PLEK: variants seen among roughly 807,000 people sequenced by gnomAD.
The protein encoded by PLEK is pleckstrin, also known as platelet 47 kDa protein.
A neutral mutation model predicts 43.9 loss-of-function variants in PLEK; 25 were observed. That is an observed-to-expected ratio of 0.57 (90% CI 0.41 to 0.79). PLEK has a LOEUF of 0.79. Among genes scored for constraint, PLEK ranks in the 30% least tolerant of loss-of-function variants. PLEK has a pLI of 0.00. For missense variants in PLEK, 396 were observed against 413.3 expected (o/e 0.96, Z 0.36); for synonymous variants, 152 against 144.4 (o/e 1.05, Z -0.38).
intron 1 of PLEK, among the ~76,000 whole-genome samples, chr2:68,376,422 G>A (rs564200697): frequency 6.7e-4 from 102 of 152,120 alleles, no homozygotes; most frequent in African/African-American, 2.2e-3. Flanking sequence ...TCCTTCCTGC[G>A]CAGCCTTGTG....
At chr2:68,371,983 C>T (rs1385731213) in intron 1 of PLEK, among the ~76,000 whole-genome samples, 2 of 152,176 alleles carry the variant, frequency 1.3e-5, no homozygotes, top group African/African-American at 2.4e-5. Context: ...TTGGACCCAG[C>T]TTTTATTCGT....
intron 1 of PLEK, among the ~76,000 whole-genome samples, chr2:68,373,721 G>A (rs1673452662): frequency 6.6e-6 from 1 of 152,122 alleles, no homozygotes. Flanking sequence ...GAGTGATGAT[G>A]GCAGTTAATA....
intron 6 of PLEK, among the ~76,000 whole-genome samples, chr2:68,391,949 C>T (rs559554727): frequency 6.6e-6 from 1 of 152,192 alleles, no homozygotes; most frequent in Non-Finnish European, 1.5e-5. Flanking sequence ...TGGTAACTCA[C>T]AGCAAGTACA....
intron 1 of PLEK, 70 bp from the exon 2 acceptor site, chr2:68,380,258 T>C: frequency 7.8e-7 from 1 of 1,289,912 alleles, no homozygotes; most frequent in Admixed American, 2.2e-5. Context: ...TATAGAATCT[T>C]TCCTGTTAGG....
chr2:68,377,196 A>G (rs1673522782), intron 1 of PLEK, among the ~76,000 whole-genome samples: 1 of 152,282 alleles, frequency 6.6e-6, no homozygotes, highest in East Asian at 1.9e-4. Context: ...TTGCTTCCAA[A>G]TCTTGTCTAT....
At chr2:68,386,211 C>T (rs1673738621) in intron 4 of PLEK, among the ~76,000 whole-genome samples, 1 of 152,078 alleles carries the variant, frequency 6.6e-6, no homozygotes, top group African/African-American at 2.4e-5. Flanking sequence ...AACTATCCTA[C>T]TGCCTCAGCT....
At position 68,380,315 on chromosome 2, in the gene PLEK, G is replaced by T. The variant is rs1673587186; in HGVS notation, c.43-13G>T. 11 of 1,602,172 alleles carry T rather than the reference G, an allele frequency of 6.9e-6. No individual in the cohort carries two copies. The highest frequency in any genetic ancestry group is 9.4e-6 in the Non-Finnish European group (11 of 1,171,784). On this transcript the variant is annotated splice_polypyrimidine_tract_variant and intron_variant, in intron 1 of 8. Coordinates refer to ENST00000234313, the MANE Select transcript of PLEK (RefSeq NM_002664.3). ...AGCCCTGTCCATCTCAGCTCTTTTG[G>T]TTGTCATTACAGGGGAGCGTGTTCA...
intron 1 of PLEK, among the ~76,000 whole-genome samples, chr2:68,372,177 A>ATTTTTTTTTTTTT (rs57326035): frequency 6.7e-6 from 1 of 148,362 alleles, no homozygotes. Flanking sequence ...AGAGAAGTTC[A>ATTTTTTTTTTTTT]TTTTTTTTTT....
At chr2:68,372,370 T>C (rs937315299) in intron 1 of PLEK, among the ~76,000 whole-genome samples, 14 of 152,088 alleles carry the variant, frequency 9.2e-5, no homozygotes, top group African/African-American at 3.4e-4. Context: ...GAGACTGGCT[T>C]TCATCATGTT....
chr2:68,389,718 G>A (rs1410446331), intron 6 of PLEK, among the ~76,000 whole-genome samples: 2 of 152,226 alleles, frequency 1.3e-5, no homozygotes, highest in South Asian at 4.1e-4. Context: ...ATTTTTTTAT[G>A]ACAGGGTGAC....
In PLEK at chr2:68,396,169, C is replaced by T. The variant is rs573708004; in HGVS notation, c.*353C>T. On this transcript the variant is annotated 3_prime_UTR_variant, in exon 9 of 9. Coordinates refer to ENST00000234313, the MANE Select transcript of PLEK (RefSeq NM_002664.3). ...GCTTAAAAAAAAAAAAAATCTGCCC[C>T]ATGATTCTAACACTCGCAGTAGTGA... 279 of 197,190 alleles carry T rather than the reference C, an allele frequency of 1.4e-3. 1 individual carries two copies. The highest frequency in any genetic ancestry group is 2.1e-3 in the Non-Finnish European group (202 of 94,760). 12.2% of individuals were successfully genotyped at this position (197,190 alleles called of 1,614,324 possible).
At chr2:68,393,290 C>G in intron 7 of PLEK, 45 bp downstream of exon 7, 4 of 1,230,094 alleles carry the variant, frequency 3.3e-6, no homozygotes, top group Non-Finnish European at 3.6e-6. Flanking sequence ...AATAAATCCA[C>G]TGCATTTATA....
chr2:68,391,967 A>G (rs1311991153), intron 6 of PLEK, among the ~76,000 whole-genome samples: 1 of 152,320 alleles, frequency 6.6e-6, no homozygotes, highest in Middle Eastern at 3.4e-3. Flanking sequence ...ACAAACAGAT[A>G]TGAAGCAGCT....
intron 1 of PLEK, among the ~76,000 whole-genome samples, chr2:68,370,175 T>A (rs1673371485): frequency 1.3e-5 from 2 of 152,256 alleles, no homozygotes; most frequent in African/African-American, 4.8e-5. Flanking sequence ...TTGATCACAG[T>A]GTAATTTTCC....
chr2:68,381,583 C>A (rs921564902), intron 3 of PLEK, among the ~76,000 whole-genome samples: 2 of 152,170 alleles, frequency 1.3e-5, no homozygotes, highest in Non-Finnish European at 2.9e-5. Flanking sequence ...TTCCCTGAAG[C>A]AGGAGCCCTG....
At chr2:68,381,017 G>GTATTGACCTGGCAGA in intron 3 of PLEK, 113 bp downstream of exon 3, 1 of 848,692 alleles carries the variant, frequency 1.2e-6, no homozygotes, top group South Asian at 1.6e-5. Context: ...CACTCTGCCA[G>GTATTGACCTGGCAGA]GTCAATACTG....
At chr2:68,380,631 T>C in intron 2 of PLEK, 92 bp from the exon 3 acceptor site, 1 of 1,456,998 alleles carries the variant, frequency 6.9e-7, no homozygotes, top group Non-Finnish European at 9.4e-7. Flanking sequence ...TTCTCTTGGC[T>C]AGAAGAGGTT....
chr2:68,380,290 A>G (rs778730293), intron 1 of PLEK, 38 bp from the exon 2 acceptor site: 8 of 1,547,116 alleles, frequency 5.2e-6, no homozygotes, highest in Non-Finnish European at 7.0e-6. Context: ...GTTTGCAAAG[A>G]GCCCTGTCCA....
intron 5 of PLEK, among the ~76,000 whole-genome samples, chr2:68,387,585 T>G (rs985481541): frequency 6.6e-6 from 1 of 152,216 alleles, no homozygotes; most frequent in African/African-American, 2.4e-5. Flanking sequence ...AAACACTATA[T>G]TATACAATGT....
Sources: allele counts gnomAD v4.1 joint callset (sites outside exome capture counted in the v4.1 genomes callset), GRCh38; gene constraint gnomAD v4.1.1; transcripts MANE v1.5; gene names NCBI Gene and HGNC (gene_info 2026-07-23, HGNC 2026-07-21).